Variants in ZFPM2 observed in about 807,000 individuals in gnomAD.
ZFPM2 encodes zinc finger protein ZFPM2.
Under a neutral mutation model 98.6 loss-of-function variants are expected in ZFPM2, and 20 were observed. The observed-to-expected ratio is 0.20, with a 90% CI of 0.14 to 0.29. ZFPM2 has a LOEUF of 0.29. Among genes scored for constraint, ZFPM2 ranks in the 10% least tolerant of loss-of-function variants. The pLI, the probability that ZFPM2 is intolerant of heterozygous loss-of-function variation, is 1.00. For missense variants in ZFPM2, 1,310 were observed against 1,388.6 expected, an observed-to-expected ratio of 0.94 and a Z score of 0.90; for synonymous variants, 518 against 502.7, an observed-to-expected ratio of 1.03 and a Z score of -0.41.
chr8:105,404,276 G>A (rs1292105296), intron 1 of ZFPM2, among the ~76,000 whole-genome samples: 1 of 151,970 alleles, frequency 6.6e-6, no homozygotes, highest in Non-Finnish European at 1.5e-5. Flanking sequence ...GAACATATTG[G>A]AAGTGTACCG....
chr8:105,627,487 A>G (rs1457868285), intron 4 of ZFPM2, among the ~76,000 whole-genome samples: 1 of 152,176 alleles, frequency 6.6e-6, no homozygotes, highest in Non-Finnish European at 1.5e-5. Flanking sequence ...CCTTGAATTG[A>G]TTTATTACTG....
chr8:105,660,223 G>GT (rs1817361748), intron 5 of ZFPM2, among the ~76,000 whole-genome samples: 3 of 151,922 alleles, frequency 2.0e-5, no homozygotes, highest in South Asian at 4.1e-4. Context: ...TTTTTCACTT[G>GT]TTTTTTTCAT....
At position 105,802,645 on chromosome 8, in the gene ZFPM2, G is replaced by C; in HGVS notation, c.2563G>C (p.Glu855Gln). ...TCCCAAAAGGCTGCTGGACTATCAC[G>C]AGTGCACTGTGTGCAAGATCAGTTT... Reference protein sequence around the residue: ...TSPKRLLDYHECTVCKISFNK... With the variant: ...TSPKRLLDYHQCTVCKISFNK... The change falls in exon 8 of 8, where the codon GAG (glutamate) becomes CAG (glutamine). Residue 855 changes from glutamate (E) to glutamine (Q), a missense_variant. Physicochemically the swap from Glu to Gln is conservative, Grantham distance 29. Transcript: ENST00000407775. 1 of 1,610,992 alleles carries C rather than the reference G, an allele frequency of 6.2e-7. No individual in the cohort carries two copies. The highest frequency in any genetic ancestry group is 8.5e-7 in the Non-Finnish European group (1 of 1,178,586).
chr8:105,370,468 G>A (rs1473407544), intron 1 of ZFPM2, among the ~76,000 whole-genome samples: 1 of 152,186 alleles, frequency 6.6e-6, no homozygotes, highest in Non-Finnish European at 1.5e-5. Context: ...TGGAGGTTGG[G>A]CTACATAAAC....
chr8:105,567,759 C>T (rs150218246), intron 4 of ZFPM2, among the ~76,000 whole-genome samples: 3 of 152,150 alleles, frequency 2.0e-5, no homozygotes, highest in East Asian at 1.9e-4. Context: ...GGTACATAAT[C>T]GGTATTCAAT....
chr8:105,334,557 T>C (rs1812292152), intron 1 of ZFPM2, among the ~76,000 whole-genome samples: 1 of 151,712 alleles, frequency 6.6e-6, no homozygotes, highest in Non-Finnish European at 1.5e-5. Context: ...ATTATTAACC[T>C]CAGATTAATA....
chr8:105,758,932 A>G (rs2131068002), intron 5 of ZFPM2, among the ~76,000 whole-genome samples: 1 of 152,254 alleles, frequency 6.6e-6, no homozygotes, highest in Middle Eastern at 3.4e-3. Context: ...GTTAACAAGC[A>G]TCTATTTAGA....
intron 1 of ZFPM2, among the ~76,000 whole-genome samples, chr8:105,341,794 C>T (rs764915086): frequency 1.3e-5 from 2 of 151,894 alleles, no homozygotes; most frequent in Non-Finnish European, 2.9e-5. Context: ...TATATGTGAC[C>T]TTAGAACCCT....
intron 1 of ZFPM2, among the ~76,000 whole-genome samples, chr8:105,346,664 A>G (rs1812543523): frequency 6.6e-6 from 1 of 152,184 alleles, no homozygotes; most frequent in Non-Finnish European, 1.5e-5. Context: ...ATTTTCTTAC[A>G]TTATTTACCT....
intron 1 of ZFPM2, among the ~76,000 whole-genome samples, chr8:105,409,094 T>A (rs1043873904): frequency 6.6e-6 from 1 of 151,808 alleles, no homozygotes; most frequent in Non-Finnish European, 1.5e-5. Flanking sequence ...ATTAATTGAT[T>A]AGCGAGCTTT....
intron 1 of ZFPM2, among the ~76,000 whole-genome samples, chr8:105,330,629 T>TAC (rs1812213865): frequency 1.2e-5 from 1 of 82,650 alleles, no homozygotes; most frequent in Admixed American, 1.3e-4. Flanking sequence ...TATATATATA[T>TAC]ATACATATAT....
At chr8:105,481,011 A>C (rs1033377663) in intron 3 of ZFPM2, among the ~76,000 whole-genome samples, 3 of 152,042 alleles carry the variant, frequency 2.0e-5, no homozygotes, top group African/African-American at 7.3e-5. Context: ...TGGCCTCCCA[A>C]AGTGCTGGGA....
intron 5 of ZFPM2, among the ~76,000 whole-genome samples, chr8:105,748,422 T>G (rs1413140583): frequency 7.9e-5 from 12 of 152,100 alleles, no homozygotes. Context: ...CAACATGCAA[T>G]CTTGATTTCT....
intron 4 of ZFPM2, among the ~76,000 whole-genome samples, chr8:105,581,987 G>A (rs1373666699): frequency 1.3e-5 from 2 of 152,184 alleles, no homozygotes; most frequent in Admixed American, 6.5e-5. Context: ...ATAAGATCAT[G>A]CCTGTTAGGA....
chr8:105,667,074 C>A (rs1044348461), intron 5 of ZFPM2, among the ~76,000 whole-genome samples: 19 of 152,126 alleles, frequency 1.2e-4, no homozygotes, highest in African/African-American at 4.6e-4. Context: ...GTCTGACATA[C>A]AAATTGTGTT....
At chr8:105,425,871 G>C (rs1218398692) in intron 2 of ZFPM2, among the ~76,000 whole-genome samples, 1 of 152,146 alleles carries the variant, frequency 6.6e-6, no homozygotes, top group Non-Finnish European at 1.5e-5. Flanking sequence ...TCTTTATGCA[G>C]TTTTGGCTGT....
intron 5 of ZFPM2, among the ~76,000 whole-genome samples, chr8:105,649,330 G>A (rs1035045722): frequency 6.6e-6 from 1 of 152,146 alleles, no homozygotes; most frequent in Non-Finnish European, 1.5e-5. Flanking sequence ...TGCAAACAGG[G>A]ACAATTTGAC....
At chr8:105,553,048 C>A (rs1012510890) in intron 3 of ZFPM2, among the ~76,000 whole-genome samples, 6 of 151,974 alleles carry the variant, frequency 3.9e-5, no homozygotes, top group Admixed American at 3.3e-4. Context: ...TGAGCTCAAG[C>A]AATCCACCCT....
chr8:105,466,559 T>C (rs1812799356), intron 3 of ZFPM2, among the ~76,000 whole-genome samples: 2 of 152,076 alleles, frequency 1.3e-5, no homozygotes, highest in Admixed American at 6.6e-5. Flanking sequence ...CAAAACATAC[T>C]TTTCGTTGTT....
Sources: gnomAD v4.1 joint callset for allele counts (sites outside exome capture counted in the v4.1 genomes callset) on GRCh38, gnomAD v4.1.1 for gene constraint, MANE v1.5 for transcripts, NCBI Gene and HGNC (gene_info 2026-07-23, HGNC 2026-07-21) for gene names.